MMP26: variants seen among roughly 807,000 people sequenced by gnomAD.
MMP26 encodes the protein matrix metallopeptidase 26.
MMP26 carries 33 observed loss-of-function variants against 31.0 expected under a neutral mutation model. That is an observed-to-expected ratio of 1.06 (90% confidence interval 0.81 to 1.42). The LOEUF (loss-of-function observed/expected upper bound fraction) is 1.42, where lower values mean the gene tolerates loss of function less well. Among genes scored for constraint, MMP26 ranks in the 40% most tolerant of loss-of-function variants. The probability of loss-of-function intolerance (pLI) is 0.00; values close to 1 mark genes in which losing one functional copy is unlikely to be tolerated. For synonymous variants in MMP26, 122 were observed against 114.9 expected (o/e 1.06, Z -0.40); for missense variants, 347 against 316.1 (o/e 1.10, Z -0.74).
At chr11:4,753,616 C>G (rs1291293106) in intron 1 of MMP26, among the ~76,000 whole-genome samples, 1 of 151,844 alleles carries the variant, frequency 6.6e-6, no homozygotes, top group African/African-American at 2.4e-5. Context: ...TGTGATTAGG[C>G]CTTGGTATAG....
At chr11:4,892,189 G>T (rs1850634754) in intron 2 of MMP26, among the ~76,000 whole-genome samples, 1 of 152,018 alleles carries the variant, frequency 6.6e-6, no homozygotes, top group South Asian at 2.1e-4. Flanking sequence ...TCCTCTTCTA[G>T]AAGACCTGGG....
intron 1 of MMP26, among the ~76,000 whole-genome samples, chr11:4,741,730 C>G (rs768690048): frequency 2.6e-5 from 4 of 151,964 alleles, no homozygotes; most frequent in African/African-American, 4.8e-5. Flanking sequence ...TCCTATGTGA[C>G]AAACCGGCAC....
chr11:4,930,967 T>A (rs1381518892), intron 2 of MMP26, among the ~76,000 whole-genome samples: 1 of 151,846 alleles, frequency 6.6e-6, no homozygotes, highest in Non-Finnish European at 1.5e-5. Flanking sequence ...ATTTTAAGAG[T>A]CTAAGTATAG....
At chr11:4,981,326 A>AT (rs1181140939) in intron 2 of MMP26, among the ~76,000 whole-genome samples, 1 of 152,142 alleles carries the variant, frequency 6.6e-6, no homozygotes, top group Non-Finnish European at 1.5e-5. Context: ...CGTAGAGTGT[A>AT]TTTACACAAA....
chr11:4,723,897 C>T (rs1243291989), intron 1 of MMP26: 2 of 1,095,934 alleles, frequency 1.8e-6, no homozygotes, highest in Non-Finnish European at 1.4e-6. Context: ...TGATCTGCTC[C>T]TTCTCCTGGG....
chr11:4,754,376 C>A (rs7946724), intron 1 of MMP26, among the ~76,000 whole-genome samples: 4 of 151,638 alleles, frequency 2.6e-5, no homozygotes, highest in African/African-American at 9.7e-5. Flanking sequence ...ATTTGTATGG[C>A]TCAGACGTGA....
chr11:4,823,574 T>C (rs562040743), intron 2 of MMP26, among the ~76,000 whole-genome samples: 2 of 152,248 alleles, frequency 1.3e-5, no homozygotes, highest in South Asian at 4.1e-4. Context: ...TTTCCTCCTT[T>C]TCCAGAAACT....
rs555520904 is a variant in MMP26, at chr11:4,790,233, C to T, written c.-145+22892C>T. 2.1e-3 allele frequency among the ~76,000 whole-genome samples: 312 copies of T among 152,024 alleles called. 9 individuals are homozygous for T. The highest frequency in any genetic ancestry group is 0.019 in the Admixed American group (284 of 15,246). ...GCACGTGCCTATAATCCCAGCTACT[C>T]GGGAGGCTGAGGCAGGAGAATCTCT... is the stretch of plus-strand genomic sequence containing the variant. On this transcript the variant is annotated intron_variant, in intron 2 of 7. Transcript: ENST00000380390.
At chr11:4,777,531 A>G (rs1388303592) in intron 2 of MMP26, among the ~76,000 whole-genome samples, 2 of 152,150 alleles carry the variant, frequency 1.3e-5, no homozygotes, top group Admixed American at 6.5e-5. Flanking sequence ...TTGAATTTTC[A>G]CATTTGAATA....
At chr11:4,705,318 T>G (rs1847760864) in intron 1 of MMP26, among the ~76,000 whole-genome samples, 1 of 152,208 alleles carries the variant, frequency 6.6e-6, no homozygotes, top group African/African-American at 2.4e-5. Context: ...AGCATGGCGT[T>G]TGGAGTAAGA....
chr11:4,747,578 C>CT (rs201424697), intron 1 of MMP26, among the ~76,000 whole-genome samples: 3 of 151,702 alleles, frequency 2.0e-5, no homozygotes, highest in Non-Finnish European at 4.4e-5. Flanking sequence ...TTAATGAGAA[C>CT]TTTTTTTTGT....
chr11:4,896,137 T>A (rs1850698153), intron 2 of MMP26, among the ~76,000 whole-genome samples: 2 of 152,148 alleles, frequency 1.3e-5, no homozygotes, highest in African/African-American at 4.8e-5. Flanking sequence ...TCCTTCCAAA[T>A]CTCAGTTCTT....
At chr11:4,732,752 C>A (rs1375546725) in intron 1 of MMP26, among the ~76,000 whole-genome samples, 1 of 152,098 alleles carries the variant, frequency 6.6e-6, no homozygotes, top group Non-Finnish European at 1.5e-5. Context: ...TCATTTGGTG[C>A]ACTGTTTTCA....
intron 2 of MMP26, among the ~76,000 whole-genome samples, chr11:4,930,575 C>T (rs1851332929): frequency 6.6e-6 from 1 of 152,076 alleles, no homozygotes; most frequent in South Asian, 2.1e-4. Flanking sequence ...CTACTGCACA[C>T]ATATAAAGAC....
intron 2 of MMP26, among the ~76,000 whole-genome samples, chr11:4,770,398 A>T (rs151140117): frequency 1.4e-3 from 219 of 152,368 alleles, no homozygotes; most frequent in Admixed American, 4.0e-3. Flanking sequence ...ATATAAAGTT[A>T]TCAATGTATA....
At chr11:4,824,133 C>T (rs1360282592) in intron 2 of MMP26, among the ~76,000 whole-genome samples, 1 of 151,888 alleles carries the variant, frequency 6.6e-6, no homozygotes, top group African/African-American at 2.4e-5. Context: ...GTGGGGGAGA[C>T]CAAGACTCAT....
chr11:4,885,393 T>A (rs1002668997), intron 2 of MMP26, among the ~76,000 whole-genome samples: 2 of 152,148 alleles, frequency 1.3e-5, no homozygotes, highest in Non-Finnish European at 2.9e-5. Flanking sequence ...CCCATAAGAC[T>A]ATAATATTAG....
intron 2 of MMP26, among the ~76,000 whole-genome samples, chr11:4,786,323 C>T (rs746660933): frequency 2.6e-5 from 4 of 152,058 alleles, no homozygotes; most frequent in Non-Finnish European, 4.4e-5. Context: ...TGCCAATCCT[C>T]CCTCCAAAAT....
intron 1 of MMP26, among the ~76,000 whole-genome samples, chr11:4,755,958 T>C (rs1848499812): frequency 6.6e-6 from 1 of 152,078 alleles, no homozygotes; most frequent in Admixed American, 6.6e-5. Context: ...TGTAATAATG[T>C]CTGTAAACTA....
Sources: gnomAD v4.1 joint callset for allele counts (sites outside exome capture counted in the v4.1 genomes callset) on GRCh38, gnomAD v4.1.1 for gene constraint, MANE v1.5 for transcripts, NCBI Gene and HGNC (gene_info 2026-07-23, HGNC 2026-07-21) for gene names.